The following TMEM217B variants were observed in gnomAD, a reference collection of about 807,000 sequenced individuals.
TMEM217B encodes the protein transmembrane protein 217B.
chr6:37,252,267 A>C, the TMEM217B span, among the ~76,000 whole-genome samples: 14 of 152,196 alleles, frequency 9.2e-5, no homozygotes, highest in Admixed American at 2.0e-4. Flanking sequence ...ATAAAGTTCA[A>C]ATTTCAATGT....
the TMEM217B span, among the ~76,000 whole-genome samples, chr6:37,244,594 G>A: frequency 1.2e-4 from 18 of 152,268 alleles, no homozygotes; most frequent in African/African-American, 4.1e-4. Flanking sequence ...CCAACTCTTG[G>A]CTGATTTAAG....
At chr6:37,213,517 C>T in the TMEM217B span, among the ~76,000 whole-genome samples, 10 of 152,248 alleles carry the variant, frequency 6.6e-5, no homozygotes, top group Non-Finnish European at 1.3e-4. Context: ...TCCCAAGTCA[C>T]AGGGTTTGGC....
At chr6:37,230,231 C>T in the TMEM217B span, among the ~76,000 whole-genome samples, 14 of 152,182 alleles carry the variant, frequency 9.2e-5, no homozygotes, top group African/African-American at 3.1e-4. Flanking sequence ...TTTATGGGTT[C>T]GTGTGGTAAG....
chr6:37,212,451 A>G, the TMEM217B span: 3 of 440,790 alleles, frequency 6.8e-6, no homozygotes, highest in South Asian at 4.8e-5. Context: ...CCAGACGGAC[A>G]GGTAGTCATG....
the TMEM217B span, chr6:37,212,405 C>G: frequency 5.1e-6 from 2 of 395,712 alleles, no homozygotes; most frequent in Middle Eastern, 7.0e-4. Context: ...TTCCTGGCAT[C>G]TGGCATGGTT....
the TMEM217B span, among the ~76,000 whole-genome samples, chr6:37,240,370 C>A: frequency 6.6e-6 from 1 of 152,190 alleles, no homozygotes; most frequent in South Asian, 2.1e-4. Context: ...TGACTGTTGG[C>A]AGGAAGCCAC....
the TMEM217B span, chr6:37,257,911 C>G: frequency 1.2e-6 from 2 of 1,613,476 alleles, no homozygotes; most frequent in Middle Eastern, 1.7e-4. Context: ...TTCCCCCGGC[C>G]AGAGCAATGG....
the TMEM217B span, among the ~76,000 whole-genome samples, chr6:37,234,702 C>T: frequency 1.3e-5 from 2 of 151,988 alleles, no homozygotes; most frequent in African/African-American, 4.8e-5. Context: ...TGCCACTGCA[C>T]TCCAGCCTAG....
At chr6:37,229,345 T>TTTTG in the TMEM217B span, among the ~76,000 whole-genome samples, 5 of 128,756 alleles carry the variant, frequency 3.9e-5, 1 homozygote, top group South Asian at 5.6e-4. Flanking sequence ...GTTTTTTTTT[T>TTTTG]TTTTTTTTTT....
the TMEM217B span, among the ~76,000 whole-genome samples, chr6:37,248,025 C>T: frequency 3.5e-4 from 53 of 152,280 alleles, no homozygotes; most frequent in East Asian, 9.7e-3. Flanking sequence ...ATCCATAGTT[C>T]CATGTAGGTC....
At chr6:37,238,631 C>T in the TMEM217B span, among the ~76,000 whole-genome samples, 528 of 152,286 alleles carry the variant, frequency 3.5e-3, 1 homozygote, top group Middle Eastern at 0.014. Context: ...TGGCTGGCAC[C>T]ATTCTCACTT....
the TMEM217B span, among the ~76,000 whole-genome samples, chr6:37,233,973 T>C: frequency 6.6e-6 from 1 of 152,226 alleles, no homozygotes; most frequent in Non-Finnish European, 1.5e-5. Flanking sequence ...AACACTTTAT[T>C]ATAAAATAGT....
At chr6:37,213,072 T>G in the TMEM217B span, 1 of 988,082 alleles carries the variant, frequency 1.0e-6, no homozygotes, top group Non-Finnish European at 1.5e-6. Flanking sequence ...AGTCACTAGA[T>G]ATAAATCAGA....
At chr6:37,237,807 T>C in the TMEM217B span, among the ~76,000 whole-genome samples, 1 of 152,150 alleles carries the variant, frequency 6.6e-6, no homozygotes, top group Non-Finnish European at 1.5e-5. Context: ...TCTTTCTCTA[T>C]ATATATACAC....
At chr6:37,218,888 T>C in the TMEM217B span, 1 of 1,614,170 alleles carries the variant, frequency 6.2e-7, no homozygotes, top group African/African-American at 1.3e-5. Context: ...ACCCCTGTAC[T>C]TTGGTGTGAT....
chr6:37,218,116 T>A, the TMEM217B span: 20 of 1,043,836 alleles, frequency 1.9e-5, no homozygotes, highest in Non-Finnish European at 2.3e-5. Flanking sequence ...CTACCTCTTA[T>A]GGGAAAGAAA....
the TMEM217B span, among the ~76,000 whole-genome samples, chr6:37,224,611 A>G: frequency 7.7e-5 from 4 of 51,928 alleles, no homozygotes; most frequent in African/African-American, 1.0e-4. Flanking sequence ...ACAAACAAAC[A>G]AACGAAAAAA....
chr6:37,257,389 G>T, the TMEM217B span, among the ~76,000 whole-genome samples: 2 of 152,192 alleles, frequency 1.3e-5, no homozygotes, highest in African/African-American at 4.8e-5. Context: ...GAGTGTCATT[G>T]AATTGAGAGA....
At chr6:37,241,537 A>G in the TMEM217B span, among the ~76,000 whole-genome samples, 2 of 152,130 alleles carry the variant, frequency 1.3e-5, no homozygotes, top group African/African-American at 2.4e-5. Context: ...GCAGGATCCA[A>G]GGTCCCCATT....
Sources: gnomAD v4.1 joint callset for allele counts (sites outside exome capture counted in the v4.1 genomes callset) on GRCh38, gnomAD v4.1.1 for gene constraint, MANE v1.5 for transcripts, NCBI Gene and HGNC (gene_info 2026-07-23, HGNC 2026-07-21) for gene names.